The following CASC3 variants were observed in gnomAD, a reference collection of about 807,000 sequenced individuals.
The protein encoded by CASC3 is CASC3 exon junction complex subunit.
Under a neutral mutation model 80.5 loss-of-function variants are expected in CASC3, and 30 were observed. The observed-to-expected ratio is 0.37, with a 90% CI of 0.28 to 0.51. CASC3 has a LOEUF of 0.51. Ranked by LOEUF, CASC3 falls within the 20% of genes least tolerant of loss-of-function variation. The pLI is 0.94. For synonymous variants in CASC3, 312 were observed against 333.6 expected, an observed-to-expected ratio of 0.94 and a Z score of 0.70; for missense variants, 824 against 922.2, an observed-to-expected ratio of 0.89 and a Z score of 1.38.
At chr17:40,162,242 A>G in intron 5 of CASC3, 89 bp downstream of exon 5, 1 of 1,297,692 alleles carries the variant, frequency 7.7e-7, no homozygotes, top group South Asian at 1.4e-5. Context: ...CATTTATTAC[A>G]GCATTTTAAG....
chr17:40,169,082 G>T, intron 11 of CASC3: 1 of 412,774 alleles, frequency 2.4e-6, no homozygotes. Context: ...TTTTCCATTT[G>T]TCAGCTGATG....
chr17:40,151,615 G>A (rs566699095), intron 3 of CASC3, among the ~76,000 whole-genome samples: 1 of 150,168 alleles, frequency 6.7e-6, no homozygotes, highest in African/African-American at 2.5e-5. Context: ...AATTGTTTGA[G>A]CCCAGGAGGT....
intron 3 of CASC3, among the ~76,000 whole-genome samples, chr17:40,146,471 A>G (rs1332205200): frequency 7.1e-6 from 1 of 141,108 alleles, no homozygotes; most frequent in Non-Finnish European, 1.5e-5. Flanking sequence ...ACAGAGTCTC[A>G]CTCTGTCTCA....
At chr17:40,149,497 T>G (rs1988943994) in intron 3 of CASC3, among the ~76,000 whole-genome samples, 1 of 151,958 alleles carries the variant, frequency 6.6e-6, no homozygotes, top group Non-Finnish European at 1.5e-5. Context: ...AGAGGTGATT[T>G]GGATGTTTTT....
rs1480054042 is a variant in CASC3, at chr17:40,140,722, C to A, written c.174C>A (p.Ala58=). The change falls in exon 1 of 14, where the codon GCC becomes GCA. Residue 58 remains alanine, a synonymous_variant. Transcript: ENST00000264645. The part of the protein sequence containing the change: ...LPSQRGGRTG[A]LHLRRVESGG... Reference sequence around the variant, plus strand: ...CACAGCGCGGAGGCCGAACCGGGGCCCTTCATCTGCGGCGGGTGGAGAGCG... The same window carrying A: ...CACAGCGCGGAGGCCGAACCGGGGCACTTCATCTGCGGCGGGTGGAGAGCG... The A allele has an allele frequency of 1.9e-6, 3 of 1,555,648 alleles. No homozygotes were observed. The highest frequency in any genetic ancestry group is 4.0e-5 in the Admixed American group (2 of 50,144).
chr17:40,143,062 G>A (rs1402556255), intron 3 of CASC3, among the ~76,000 whole-genome samples: 1 of 151,496 alleles, frequency 6.6e-6, no homozygotes, highest in Non-Finnish European at 1.5e-5. Context: ...ACTGCTACCT[G>A]GGTGACAGAG....
At chr17:40,160,031 A>C (rs1448806280) in intron 3 of CASC3, among the ~76,000 whole-genome samples, 1 of 152,024 alleles carries the variant, frequency 6.6e-6, no homozygotes, top group African/African-American at 2.4e-5. Context: ...GTTGTTTGTC[A>C]TTGTATGTTT....
Position 40,171,208 on chromosome 17 carries a change from T to C in CASC3, c.*803T>C. On this transcript the variant is annotated 3_prime_UTR_variant, in exon 14 of 14. Transcript: ENST00000264645. The stretch of plus-strand genomic sequence containing the variant: ...CCTGTACTATGATGGGCTTCTGTTC[T>C]CTGCTGAGGGCCAATACCCTACTGT... 2.0e-6 allele frequency: 2 copies of C among 985,990 alleles called. No homozygotes were observed. Among genetic ancestry groups the C allele is most frequent in the Non-Finnish European group, 2.4e-6 (2 of 829,936 alleles). The allele number at this position is 985,990 out of a possible 1,614,324, so 61.1% of individuals were successfully genotyped here.
intron 2 of CASC3, 55 bp downstream of exon 2, chr17:40,141,289 G>T: frequency 6.8e-7 from 1 of 1,464,144 alleles, no homozygotes. Flanking sequence ...CATAAACTCA[G>T]GTCATCTATT....
At chr17:40,148,958 C>T (rs1437517508) in intron 3 of CASC3, among the ~76,000 whole-genome samples, 1 of 152,118 alleles carries the variant, frequency 6.6e-6, no homozygotes, top group Non-Finnish European at 1.5e-5. Context: ...AGTGCAGTGG[C>T]TTTGCCTTCC....
At position 40,140,541 on chromosome 17, in the gene CASC3, T is replaced by G. The variant is rs1404509259; in HGVS notation, c.-8T>G. 33 of 1,605,272 alleles carry G rather than the reference T, an allele frequency of 2.1e-5. No individual in the cohort carries two copies. Among genetic ancestry groups the G allele is most frequent in the Admixed American group, 1.0e-4 (6 of 59,950 alleles). ...AGTACCTCGCCGGTGGTGGCCGTTC[T>G]CCGTAAGATGGCGGACCGGCGGCGG... is the stretch of plus-strand genomic sequence containing the variant. On this transcript the variant is annotated 5_prime_UTR_variant, in exon 1 of 14. Coordinates refer to ENST00000264645, the MANE Select transcript of CASC3 (RefSeq NM_007359.5).
chr17:40,169,685 A>C, intron 13 of CASC3, 23 bp downstream of exon 13: 4 of 1,233,052 alleles, frequency 3.2e-6, no homozygotes, highest in Non-Finnish European at 4.5e-6. Context: ...CTTACTGTGA[A>C]TATTGTTAAA....
chr17:40,155,884 A>G lies in CASC3; in HGVS notation c.298-5869A>G, dbSNP rs1017126605. On this transcript the variant is annotated intron_variant, in intron 3 of 13. Transcript: ENST00000264645. Reference sequence around the variant, plus strand: ...GACCGTGTGGTAGCACCTTGGCTTCAGTTAGACTAAGCTTTGACTAATTTG... The same window carrying G: ...GACCGTGTGGTAGCACCTTGGCTTCGGTTAGACTAAGCTTTGACTAATTTG... 5.7e-4 allele frequency among the ~76,000 whole-genome samples: 87 copies of G among 152,334 alleles called. 1 individual carries two copies. Among genetic ancestry groups the G allele is most frequent in the Middle Eastern group, 3.4e-3 (1 of 294 alleles).
intron 3 of CASC3, among the ~76,000 whole-genome samples, chr17:40,155,610 A>T (rs1989127972): frequency 6.6e-6 from 1 of 152,210 alleles, no homozygotes; most frequent in South Asian, 2.1e-4. Context: ...GTTTATTAAA[A>T]TGAGGCTAGA....
intron 3 of CASC3, among the ~76,000 whole-genome samples, chr17:40,145,153 GCCC>G (rs1988825710): frequency 6.7e-6 from 1 of 150,292 alleles, no homozygotes; most frequent in African/African-American, 2.4e-5. Flanking sequence ...GAGCCACCGT[GCCC>G]CCCATTTTTT....
At chr17:40,165,084 C>A (rs1021648606) in intron 7 of CASC3, among the ~76,000 whole-genome samples, 1 of 151,322 alleles carries the variant, frequency 6.6e-6, no homozygotes, top group African/African-American at 2.4e-5. Context: ...CCGCGACTGG[C>A]TAGTTTTTTT....
intron 3 of CASC3, among the ~76,000 whole-genome samples, chr17:40,149,892 G>A (rs778594504): frequency 6.6e-6 from 1 of 151,832 alleles, no homozygotes; most frequent in Non-Finnish European, 1.5e-5. Flanking sequence ...GAGCCTGGGC[G>A]ACAGAGCGAG....
At position 40,162,791 on chromosome 17, in the gene CASC3, A is replaced by G. The variant is rs1989336857; in HGVS notation, c.675A>G (p.Glu225=). The G allele has an allele frequency of 6.2e-7, 1 of 1,614,086 alleles. No individual in the cohort carries two copies. Among genetic ancestry groups the G allele is most frequent in the Non-Finnish European group, 8.5e-7 (1 of 1,180,052 alleles). ...GCTGGGAGCATGACAAGTTCCGGGA[A>G]GATGAGCAGGCCCCAAAGTCCCGAC... ...EGRWEHDKFR[E]DEQAPKSRQE... Residue 225 remains glutamate, a synonymous_variant, in exon 6 of 14, where the codon GAA becomes GAG. Coordinates refer to ENST00000264645, the MANE Select transcript of CASC3 (RefSeq NM_007359.5).
intron 3 of CASC3, among the ~76,000 whole-genome samples, chr17:40,160,571 C>T (rs901627195): frequency 2.0e-5 from 3 of 151,576 alleles, no homozygotes; most frequent in African/African-American, 7.3e-5. Flanking sequence ...TGTTAGGTAT[C>T]GTATAGTAAG....
Sources: allele counts gnomAD v4.1 joint callset (sites outside exome capture counted in the v4.1 genomes callset), GRCh38; gene constraint gnomAD v4.1.1; transcripts MANE v1.5; gene names NCBI Gene and HGNC (gene_info 2026-07-23, HGNC 2026-07-21).